Variants in ARHGEF18 observed in about 807,000 individuals in gnomAD.
ARHGEF18 encodes Rho/Rac guanine nucleotide exchange factor 18.
A neutral mutation model predicts 155.7 loss-of-function variants in ARHGEF18; 93 were observed. That is an observed-to-expected ratio of 0.60 (90% CI 0.50 to 0.71). The LOEUF (loss-of-function observed/expected upper bound fraction) is 0.71. Ranked by LOEUF, ARHGEF18 falls within the 30% of genes least tolerant of loss-of-function variation. The probability of loss-of-function intolerance (pLI) is 0.00; values close to 1 mark genes in which losing one functional copy is unlikely to be tolerated. For synonymous variants in ARHGEF18, 742 were observed against 753.1 expected (o/e 0.99, Z 0.24); for missense variants, 1,593 against 1,816.1 (o/e 0.88, Z 2.23).
At chr19:7,406,186 G>A (rs1433484872) in intron 10 of ARHGEF18, among the ~76,000 whole-genome samples, 1 of 152,114 alleles carries the variant, frequency 6.6e-6, no homozygotes, top group Non-Finnish European at 1.5e-5. Flanking sequence ...TTGGGTTCAA[G>A]CGATTCTCCT....
At chr19:7,455,452 A>G (rs1343467109) in intron 17 of ARHGEF18, among the ~76,000 whole-genome samples, 2 of 152,174 alleles carry the variant, frequency 1.3e-5, no homozygotes, top group Admixed American at 6.6e-5. Context: ...GCAGCTCAGG[A>G]TTTGCATCTA....
intron 10 of ARHGEF18, among the ~76,000 whole-genome samples, chr19:7,384,723 AC>A (rs976344736): frequency 6.9e-6 from 1 of 144,604 alleles, no homozygotes; most frequent in African/African-American, 2.6e-5. Context: ...ACAGGGTCTC[AC>A]TCTGTTGCCC....
At chr19:7,387,511 G>A (rs1035451138) in intron 10 of ARHGEF18, among the ~76,000 whole-genome samples, 1 of 152,056 alleles carries the variant, frequency 6.6e-6, no homozygotes, top group African/African-American at 2.4e-5. Flanking sequence ...TAAGAATGGG[G>A]TGGGTTTTTT....
At chr19:7,448,685 G>T (rs1358376503) in intron 15 of ARHGEF18, among the ~76,000 whole-genome samples, 1 of 151,796 alleles carries the variant, frequency 6.6e-6, no homozygotes, top group African/African-American at 2.4e-5. Flanking sequence ...AAAAAAAAAG[G>T]AGGGTTACTC....
rs754361264 is a variant in ARHGEF18 at position 7,470,198 on chromosome 19, G to A, written c.3986G>A (p.Gly1329Asp). 2.5e-6 allele frequency: 4 copies of A among 1,611,286 alleles called. No homozygotes were observed. The highest frequency in any genetic ancestry group is 2.2e-5 in the East Asian group (1 of 44,734). Residue 1329 changes from glycine (G) to aspartate (D), a missense_variant, in exon 29 of 29, where the codon GGC becomes GAC. By Grantham distance (94) the Gly-to-Asp change is moderately conservative (BLOSUM62 -1). Transcript: ENST00000668164. This position sits in a 1 kb window ranked among gnomAD's most constrained non-coding sequence, Gnocchi z 5.9. ...GAGGGCTTCTCTCTCAAGGCCGGGGGCACAGCCCTCCTGCCCGGGCCCCCA... is the reference window on the plus strand; with the variant it reads ...GAGGGCTTCTCTCTCAAGGCCGGGGACACAGCCCTCCTGCCCGGGCCCCCA... ...PSEGFSLKAGGTALLPGPPAP... is the reference protein window; with the variant it reads ...PSEGFSLKAGDTALLPGPPAP...
Position 7,470,093 on chromosome 19 carries a change from G to A in ARHGEF18, c.3914-33G>A, listed in dbSNP as rs1454909365. On this transcript the variant is annotated intron_variant, in intron 28 of 28. Transcript: ENST00000668164. The surrounding 1 kb of genome is among the most constrained non-coding windows in gnomAD (Gnocchi z 5.9). ...CAGCGGGGCTGCGGCACCACCCGGCGACTGCTCAGTCTGAACCCTCTCTCT... is the reference window on the plus strand; with the variant it reads ...CAGCGGGGCTGCGGCACCACCCGGCAACTGCTCAGTCTGAACCCTCTCTCT... The A allele has an allele frequency of 1.2e-5, 19 of 1,611,654 alleles. No individual in the cohort carries two copies. The highest frequency in any genetic ancestry group is 1.2e-4 in the Admixed American group (7 of 59,896).
At chr19:7,461,797 CA>C (rs1013663166) in intron 20 of ARHGEF18, among the ~76,000 whole-genome samples, 1 of 152,140 alleles carries the variant, frequency 6.6e-6, no homozygotes, top group Non-Finnish European at 1.5e-5. Flanking sequence ...CCTCATTTCC[CA>C]GGCATGCACC....
At chr19:7,415,380 C>G (rs1972944121) in intron 10 of ARHGEF18, among the ~76,000 whole-genome samples, 1 of 152,162 alleles carries the variant, frequency 6.6e-6, no homozygotes, top group Non-Finnish European at 1.5e-5. Context: ...CCGCCCCTCT[C>G]TGCCACTCTC....
At chr19:7,416,749 C>G (rs1046370431) in intron 10 of ARHGEF18, among the ~76,000 whole-genome samples, 1 of 150,500 alleles carries the variant, frequency 6.6e-6, no homozygotes, top group Non-Finnish European at 1.5e-5. Flanking sequence ...ACTACAGGTG[C>G]CCGCCACCAC....
intron 1 of ARHGEF18, among the ~76,000 whole-genome samples, chr19:7,352,180 A>G (rs764113414): frequency 6.6e-6 from 1 of 151,748 alleles, no homozygotes; most frequent in African/African-American, 2.4e-5. Flanking sequence ...ATTTTCCTCC[A>G]TAGAGCGTTT....
chr19:7,438,267 A>AT (rs1373069164), intron 10 of ARHGEF18, among the ~76,000 whole-genome samples: 3 of 151,098 alleles, frequency 2.0e-5, no homozygotes, highest in African/African-American at 7.3e-5. Context: ...GTGCTCAGCT[A>AT]TTTTTTTATT....
At chr19:7,406,555 A>G (rs1972318891) in intron 10 of ARHGEF18, among the ~76,000 whole-genome samples, 1 of 152,130 alleles carries the variant, frequency 6.6e-6, no homozygotes, top group Admixed American at 6.6e-5. Context: ...ATCAAACACA[A>G]AAGTGTTATA....
At chr19:7,461,768 G>A (rs932043667) in intron 20 of ARHGEF18, among the ~76,000 whole-genome samples, 1 of 151,962 alleles carries the variant, frequency 6.6e-6, no homozygotes, top group African/African-American at 2.4e-5. Flanking sequence ...TGAACTCCTG[G>A]GCTCAAGCGA....
At chr19:7,406,926 G>C (rs966355950) in intron 10 of ARHGEF18, among the ~76,000 whole-genome samples, 1 of 151,830 alleles carries the variant, frequency 6.6e-6, no homozygotes, top group African/African-American at 2.4e-5. Context: ...TTAGCCGGGC[G>C]TGGTGGCGGG....
At position 7,349,235 on chromosome 19, in the gene ARHGEF18, C is replaced by T. The variant is rs1969100888; in HGVS notation, c.-117C>T. 6.6e-6 allele frequency: 1 copy of T among 152,288 alleles called. No individual in the cohort carries two copies. Among genetic ancestry groups the T allele is most frequent in the Non-Finnish European group, 1.5e-5 (1 of 68,122 alleles). 9.4% of individuals were successfully genotyped at this position (152,288 alleles called of 1,614,324 possible). On this transcript the variant is annotated 5_prime_UTR_variant, in exon 1 of 29. Coordinates refer to ENST00000668164, the MANE Select transcript of ARHGEF18 (RefSeq NM_001367823.1). ...TGCCTGCAGGTTGAAGAACTGAGCT[C>T]TATCTGGTAAGTACTTATCCTGGGA...
Position 7,458,603 on chromosome 19 carries a change from T to C in ARHGEF18, c.2273T>C (p.Leu758Ser). Residue 758 changes from leucine to serine, a missense_variant, in exon 19 of 29, where the codon TTG (leucine) becomes TCG (serine). Leu to Ser is a moderately radical substitution (Grantham distance 145). Coordinates refer to ENST00000668164, the MANE Select transcript of ARHGEF18 (RefSeq NM_001367823.1). ...EKAMFLISAS[L>S]QGPEMYEIYT... ...GCGATGTTTCTGATCAGCGCCTCCT[T>C]GCAAGGGCCGGAGATGTATGAAATC... 6.2e-7 allele frequency: 1 copy of C among 1,614,144 alleles called. No homozygotes were observed. Among genetic ancestry groups the C allele is most frequent in the Middle Eastern group, 1.6e-4 (1 of 6,062 alleles).
chr19:7,350,698 G>A lies in ARHGEF18; in HGVS notation c.-111+1457G>A, dbSNP rs541039054. Among the ~76,000 whole-genome samples, 16 of 152,134 alleles carry A rather than the reference G, an allele frequency of 1.1e-4. No individual in the cohort carries two copies. In the South Asian group the frequency reaches 1.2e-3, roughly 12 times the overall value. Reference sequence around the variant, plus strand: ...TTCCCTGGCCTCTATGTGGCCTTGGGCAAATGACTTAACTGCTCTGAGCTT... The same window carrying A: ...TTCCCTGGCCTCTATGTGGCCTTGGACAAATGACTTAACTGCTCTGAGCTT... On this transcript the variant is annotated intron_variant, in intron 1 of 28. Coordinates refer to ENST00000668164, the MANE Select transcript of ARHGEF18 (RefSeq NM_001367823.1).
chr19:7,368,015 G>GGAAGGAAGGAAGGAAGGA (rs1568270703), intron 2 of ARHGEF18, among the ~76,000 whole-genome samples: 1 of 86,342 alleles, frequency 1.2e-5, no homozygotes, highest in African/African-American at 3.7e-5. Flanking sequence ...GGGAGGGAGG[G>GGAAGGAAGGAAGGAAGGA]AGGGCGGAAG....
At chr19:7,375,930 C>T in intron 4 of ARHGEF18, 60 bp downstream of exon 4, 1 of 1,233,054 alleles carries the variant, frequency 8.1e-7, no homozygotes, top group Non-Finnish European at 1.0e-6. Context: ...GAAAGCAGTG[C>T]TATAGGTAGG....
Sources: gnomAD v4.1 joint callset for allele counts (sites outside exome capture counted in the v4.1 genomes callset) on GRCh38, gnomAD v4.1.1 for gene constraint, Gnocchi (gnomAD v3.1) non-coding constraint, MANE v1.5 for transcripts, NCBI Gene and HGNC (gene_info 2026-07-23, HGNC 2026-07-21) for gene names.